Variants in ADARB2 observed in about 807,000 individuals in gnomAD.
ADARB2 encodes the protein adenosine deaminase RNA specific B2 (inactive), also known as inactive double-stranded RNA-specific editase B2.
In ADARB2, 25 loss-of-function variants were observed where a neutral mutation model predicts 62.2. The ratio of observed to expected loss-of-function variants is 0.40; its 90% CI spans 0.29 to 0.56. The LOEUF (loss-of-function observed/expected upper bound fraction) is 0.56, where lower values mean the gene tolerates loss of function less well. ADARB2 is among the 20% of genes least tolerant of loss of function. ADARB2 has a pLI of 0.43. For missense variants in ADARB2, 1,071 were observed against 1,077.4 expected, an observed-to-expected ratio of 0.99 and a Z score of 0.08; for synonymous variants, 572 against 500.8, an observed-to-expected ratio of 1.14 and a Z score of -1.90.
chr10:1,303,668 A>G (rs10903425), intron 3 of ADARB2, among the ~76,000 whole-genome samples: 69,841 of 151,196 alleles, frequency 0.46, 17,558 homozygotes, highest in East Asian at 0.8. Flanking sequence ...CATCAGACTA[A>G]CAGCTGATCT....
In ADARB2 at chr10:1,554,377, G is replaced by C. The variant is rs541962161; in HGVS notation, c.101-175217C>G. Among the ~76,000 whole-genome samples the C allele has an allele frequency of 5.3e-5, 8 of 152,158 alleles. 1 individual carries two copies. The highest frequency in any genetic ancestry group is 3.3e-4 in the Admixed American group (5 of 15,276). ...ACGCAGAGAGTCATTTTGTTCTCACGGTTGGGCTGTCACAGAACCATCAAT... is the reference window on the plus strand; with the variant it reads ...ACGCAGAGAGTCATTTTGTTCTCACCGTTGGGCTGTCACAGAACCATCAAT... On this transcript the variant is annotated intron_variant, in intron 1 of 9. Transcript: ENST00000381312.
intron 1 of ADARB2, among the ~76,000 whole-genome samples, chr10:1,610,817 TAC>T (rs759657692): frequency 6.6e-6 from 1 of 151,084 alleles, no homozygotes; most frequent in Non-Finnish European, 1.5e-5. Context: ...TACAGACACA[TAC>T]AGACACAGAC....
At chr10:1,478,181 T>G (rs766210991) in intron 1 of ADARB2, among the ~76,000 whole-genome samples, 1 of 152,178 alleles carries the variant, frequency 6.6e-6, no homozygotes, top group Non-Finnish European at 1.5e-5. Flanking sequence ...TGCAGTGTCT[T>G]AGGAAGTACA....
At chr10:1,706,661 T>C (rs1334243419) in intron 1 of ADARB2, among the ~76,000 whole-genome samples, 1 of 152,236 alleles carries the variant, frequency 6.6e-6, no homozygotes, top group Non-Finnish European at 1.5e-5. Flanking sequence ...TGCAGGATGA[T>C]GTTGCTTTCT....
chr10:1,610,923 TGAG>T (rs1833562674), intron 1 of ADARB2, among the ~76,000 whole-genome samples: 1 of 152,028 alleles, frequency 6.6e-6, no homozygotes, highest in South Asian at 2.1e-4. Context: ...CACACACACA[TGAG>T]GTGGGGGCTT....
At chr10:1,553,745 C>T (rs1200156020) in intron 1 of ADARB2, among the ~76,000 whole-genome samples, 1 of 152,108 alleles carries the variant, frequency 6.6e-6, no homozygotes, top group Admixed American at 6.5e-5. Flanking sequence ...ATAAAGAAGG[C>T]GTTTGGAGCG....
chr10:1,709,800 C>T (rs1310558228), intron 1 of ADARB2, among the ~76,000 whole-genome samples: 2 of 152,226 alleles, frequency 1.3e-5, no homozygotes, highest in African/African-American at 4.8e-5. Flanking sequence ...CTTACCTCAA[C>T]CAGACAACTA....
chr10:1,690,357 C>G (rs1834652872), intron 1 of ADARB2, among the ~76,000 whole-genome samples: 1 of 152,192 alleles, frequency 6.6e-6, no homozygotes, highest in African/African-American at 2.4e-5. Context: ...ATATTAAATA[C>G]AAGTTGTCGT....
At chr10:1,297,570 G>A (rs774844198) in intron 3 of ADARB2, among the ~76,000 whole-genome samples, 18 of 152,120 alleles carry the variant, frequency 1.2e-4, no homozygotes, top group Non-Finnish European at 1.8e-4. Flanking sequence ...GGGTGGCTGC[G>A]TGGCATCGCC....
At chr10:1,490,044 G>A (rs1039821367) in intron 1 of ADARB2, among the ~76,000 whole-genome samples, 13 of 152,294 alleles carry the variant, frequency 8.5e-5, no homozygotes, top group African/African-American at 2.9e-4. Context: ...AGAAGCACAC[G>A]TTAGCTGTCA....
chr10:1,506,464 C>A (rs1831854461), intron 1 of ADARB2, among the ~76,000 whole-genome samples: 1 of 152,182 alleles, frequency 6.6e-6, no homozygotes, highest in Non-Finnish European at 1.5e-5. Flanking sequence ...GCACCAGACA[C>A]CAGCAAAACT....
chr10:1,273,261 AT>A (rs1259146630), intron 3 of ADARB2, among the ~76,000 whole-genome samples: 1 of 152,006 alleles, frequency 6.6e-6, no homozygotes, highest in Non-Finnish European at 1.5e-5. Flanking sequence ...GTGATTCTTA[AT>A]TTTTTTATTT....
intron 1 of ADARB2, among the ~76,000 whole-genome samples, chr10:1,727,032 C>A (rs1380937594): frequency 6.6e-6 from 1 of 152,148 alleles, no homozygotes; most frequent in Non-Finnish European, 1.5e-5. Context: ...TGACTGACAA[C>A]GAAAGGTGTT....
intron 1 of ADARB2, among the ~76,000 whole-genome samples, chr10:1,602,450 T>C (rs1245654116): frequency 6.6e-6 from 1 of 152,122 alleles, no homozygotes; most frequent in Admixed American, 6.5e-5. Flanking sequence ...AGGGGAAGCG[T>C]GATTTTTCTC....
At position 1,184,998 on chromosome 10, in the gene ADARB2, G is replaced by A. The variant is rs1387809421; in HGVS notation, c.1906C>T (p.Pro636Ser). ...CCCACGACCCAGTTCATGCTGAAGG[G>A]GGGCGACTTCCCCGGCTGGCGCGCC... is the stretch of plus-strand genomic sequence containing the variant. ...AEARQPGKSP[P>S]FSMNWVVGSA... Residue 636 changes from proline to serine, a missense_variant, in exon 9 of 10, where the codon CCC becomes TCC. Coordinates refer to ENST00000381312, the MANE Select transcript of ADARB2 (RefSeq NM_018702.4). The A allele has an allele frequency of 6.2e-7, 1 of 1,613,422 alleles. No individual in the cohort carries two copies. The highest frequency in any genetic ancestry group is 8.5e-7 in the Non-Finnish European group (1 of 1,179,934).
intron 6 of ADARB2, among the ~76,000 whole-genome samples, chr10:1,222,128 A>G (rs1222513180): frequency 2.0e-5 from 3 of 152,226 alleles, no homozygotes; most frequent in Non-Finnish European, 4.4e-5. Flanking sequence ...GTGAGATGGT[A>G]TCTCATTGTG....
chr10:1,405,809 T>C (rs1832702952), intron 1 of ADARB2, among the ~76,000 whole-genome samples: 1 of 152,034 alleles, frequency 6.6e-6, no homozygotes, highest in Non-Finnish European at 1.5e-5. Flanking sequence ...ACCCATTTAT[T>C]AAATCCTTCT....
intron 6 of ADARB2, among the ~76,000 whole-genome samples, chr10:1,220,991 C>T (rs1317079634): frequency 6.6e-6 from 1 of 152,166 alleles, no homozygotes; most frequent in Non-Finnish European, 1.5e-5. Context: ...TCCACAGGCT[C>T]CCTGATGAGT....
At chr10:1,324,251 AATAAAGGCTGAGAAGGG>A (rs1383658999) in intron 3 of ADARB2, among the ~76,000 whole-genome samples, 7 of 152,236 alleles carry the variant, frequency 4.6e-5, no homozygotes, top group Admixed American at 4.6e-4. Context: ...CAGTGGCCAC[AATAAAGGCTGAGAAGGG>A]CCCGGGTGGG....
Sources: allele counts gnomAD v4.1 joint callset (sites outside exome capture counted in the v4.1 genomes callset), GRCh38; gene constraint gnomAD v4.1.1; transcripts MANE v1.5; gene names NCBI Gene and HGNC (gene_info 2026-07-23, HGNC 2026-07-21).